Variants in RIF1 observed in about 807,000 individuals in gnomAD.
The protein encoded by RIF1 is replication timing regulatory factor 1.
RIF1 carries 45 observed loss-of-function variants against 247.1 expected under a neutral mutation model. That is an observed-to-expected ratio of 0.18 (90% CI 0.14 to 0.23). The LOEUF (loss-of-function observed/expected upper bound fraction) is 0.23. Among genes scored for constraint, RIF1 ranks in the 10% least tolerant of loss-of-function variants. RIF1 has a pLI of 1.00. For missense variants in RIF1, 2,967 were observed against 2,862.5 expected, an observed-to-expected ratio of 1.04 and a Z score of -0.83; for synonymous variants, 1,087 against 978.8, an observed-to-expected ratio of 1.11 and a Z score of -2.06.
At position 151,428,862 on chromosome 2, in the gene RIF1, A is replaced by G. The variant is rs753438017; in HGVS notation, c.865A>G (p.Ile289Val). ...TGGATTTCGTAGTGGAGCACCCATG[A>G]TTAAAAAGATAGCTTTTATTGCTTG... is the stretch of plus-strand genomic sequence containing the variant. Reference protein sequence around the residue: ...ELGFRSGAPMIKKIAFIAWKS... With the variant: ...ELGFRSGAPMVKKIAFIAWKS... The change falls in exon 9 of 36, where the codon ATT (isoleucine) becomes GTT (valine). Residue 289 changes from isoleucine to valine, a missense_variant. By Grantham distance (29) the Ile-to-Val change is conservative. Coordinates refer to ENST00000444746, the MANE Select transcript of RIF1 (RefSeq NM_018151.5). 3.2e-6 allele frequency: 5 copies of G among 1,545,032 alleles called. No homozygotes were observed. In the Admixed American group the frequency reaches 6.7e-5, roughly 21 times the overall value.
chr2:151,525,590 A>G, the RIF1 span, among the ~76,000 whole-genome samples: 8 of 152,334 alleles, frequency 5.3e-5, no homozygotes, highest in African/African-American at 1.9e-4. Context: ...ATTGATAAGG[A>G]TAGAGCAGGC....
Position 151,498,143 on chromosome 2 carries a change from T to TATAAG in RIF1, c.*514-1199_*514-1195dup, listed in dbSNP as rs1478969880. On this transcript the variant is annotated intron_variant and NMD_transcript_variant, in intron 10 of 13. Coordinates refer to the RIF1 transcript ENST00000454583. ...AATGGGAAAGTATATCCTTTTGTAATATAAGATGTATTAGAAGCAAAGAAG... is the reference window on the plus strand; with the variant it reads ...AATGGGAAAGTATATCCTTTTGTAATATAAGATAAGATGTATTAGAAGCAAAGAAG... The TATAAG allele has an allele frequency of 3.3e-6, 5 of 1,529,186 alleles. No homozygotes were observed. In the African/African-American group the frequency reaches 4.1e-5, roughly 13 times the overall value. The allele number at this position is 1,529,186 out of a possible 1,614,324, so 94.7% of individuals were successfully genotyped here.
At chr2:151,411,487 C>T (rs1686217320) in intron 3 of RIF1, 149 bp downstream of exon 3, 2 of 559,966 alleles carry the variant, frequency 3.6e-6, no homozygotes, top group Middle Eastern at 4.9e-4. Flanking sequence ...ACTGAAACCT[C>T]CGCCTCTCGG....
At chr2:151,437,486 T>C (rs1691450562) in intron 13 of RIF1, 135 bp downstream of exon 13, 1 of 646,090 alleles carries the variant, frequency 1.5e-6, no homozygotes, top group Non-Finnish European at 2.7e-6. Flanking sequence ...AGCTCAGGAG[T>C]TCGAGACCAG....
At chr2:151,486,211 A>C, downstream of RIF1, 1 of 321,462 alleles carries the variant, frequency 3.1e-6, no homozygotes, top group East Asian at 5.5e-5. Flanking sequence ...ACATTTCTCC[A>C]AAAAAGATAG....
At chr2:151,531,144 A>G in the RIF1 span, 1 of 1,236,072 alleles carries the variant, frequency 8.1e-7, no homozygotes, top group Non-Finnish European at 1.2e-6. Context: ...CATGCTTCTC[A>G]ATGTATAATA....
chr2:151,445,461 G>A lies in RIF1; in HGVS notation c.2094+16G>A. On this transcript the variant is annotated intron_variant, in intron 19 of 35. Transcript: ENST00000444746. ...ATTTCCAGTGGTAAGGCATTGTCAA[G>A]TATTGATTTCCGAGGGATTTGTATT... The A allele has an allele frequency of 1.7e-6, 2 of 1,201,720 alleles. No homozygotes were observed. Among genetic ancestry groups the A allele is most frequent in the Non-Finnish European group, 2.5e-6 (2 of 803,676 alleles). The allele number at this position is 1,201,720 out of a possible 1,614,324, so 74.4% of individuals were successfully genotyped here. A position where few individuals can be genotyped will look rare whatever the true frequency, so the allele number is the denominator to read the frequency against.
chr2:151,414,096 T>G (rs562089670), intron 3 of RIF1, among the ~76,000 whole-genome samples: 9 of 152,230 alleles, frequency 5.9e-5, no homozygotes, highest in Admixed American at 2.6e-4. Flanking sequence ...GTGGATCACC[T>G]GAGGTCAGGA....
Position 151,468,539 on chromosome 2 carries a change from AAAGAAGTGTTTAGT to A in RIF1, c.6822_6825+10del. ...CACGTAGCCCTAAATTTAAGAGCTC[AAAGAAGTGTTTAGT>A]AAGAAGTGCTTTAGTTTTCATGTCA... On this transcript the variant is annotated splice_donor_variant and coding_sequence_variant, in exon 32 of 36. Coordinates refer to ENST00000444746, the MANE Select transcript of RIF1 (RefSeq NM_018151.5). LOFTEE classifies it high-confidence loss of function. The A allele has an allele frequency of 6.2e-7, 1 of 1,613,170 alleles. No individual in the cohort carries two copies. Among genetic ancestry groups the A allele is most frequent in the East Asian group, 2.2e-5 (1 of 44,866 alleles).
intron 20 of RIF1, among the ~76,000 whole-genome samples, chr2:151,450,366 A>G (rs978246012): frequency 1.2e-4 from 18 of 152,176 alleles, no homozygotes; most frequent in African/African-American, 4.3e-4. Context: ...GACACTTGGG[A>G]TCAGGTATCT....
chr2:151,420,032 G>A (rs780365168), intron 6 of RIF1, among the ~76,000 whole-genome samples, 158 bp from the exon 7 acceptor site: 3 of 152,118 alleles, frequency 2.0e-5, no homozygotes, highest in South Asian at 2.1e-4. Flanking sequence ...GTGCAAATTC[G>A]TAAAAATAAG....
the RIF1 span, chr2:151,524,398 C>T: frequency 1.9e-6 from 3 of 1,613,844 alleles, no homozygotes; most frequent in Non-Finnish European, 2.5e-6. Flanking sequence ...CCTTGCGGTG[C>T]TTGGCTCTGT....
In RIF1 at chr2:151,419,010, G is replaced by A. The variant is rs1474150877; in HGVS notation, c.504-1180G>A. Among the ~76,000 whole-genome samples, 3 of 93,402 alleles carry A rather than the reference G, an allele frequency of 3.2e-5. No individual in the cohort carries two copies. The East Asian group carries it at 9.2e-4, about 29-fold the overall frequency. 61.3% of individuals were successfully genotyped at this position (93,402 alleles called of 152,430 possible). On this transcript the variant is annotated intron_variant, in intron 6 of 35. Coordinates refer to ENST00000444746, the MANE Select transcript of RIF1 (RefSeq NM_018151.5). ...TTTTTTTAACTTTCATAACTTTTTG[G>A]TTAGCAACATAACACATCAGCCTAG...
chr2:151,496,516 C>T (rs2060280790), intron 10 of RIF1: 3 of 1,442,476 alleles, frequency 2.1e-6, no homozygotes, highest in Non-Finnish European at 2.8e-6. Context: ...CCACCAGCTA[C>T]TTTAGTGGAA....
chr2:151,491,621 T>C, intron 9 of RIF1: 1 of 1,329,066 alleles, frequency 7.5e-7, no homozygotes, highest in East Asian at 2.5e-5. Context: ...CAAATGAAAG[T>C]CATTGACTCT....
At position 151,451,695 on chromosome 2, in the gene RIF1, C is replaced by T. The variant is rs1326281550; in HGVS notation, c.2334C>T (p.Pro778=). ...CACCATATAATATTAAATATCAGCC[C>T]AAAGTTAAATGTAAGTATGTATTTT... ...DFSPYNIKYQ[P]KVKSPQRPSD... The change falls in exon 21 of 36, where the codon CCC becomes CCT. Residue 778 remains proline, a synonymous_variant. Transcript: ENST00000444746. 1 of 1,402,982 alleles carries T rather than the reference C, an allele frequency of 7.1e-7. No individual in the cohort carries two copies. Among genetic ancestry groups the T allele is most frequent in the Non-Finnish European group, 1.0e-6 (1 of 990,020 alleles). The allele number at this position is 1,402,982 out of a possible 1,614,324, so 86.9% of individuals were successfully genotyped here.
At position 151,435,510 on chromosome 2, in the gene RIF1, C is replaced by T. The variant is rs773199294; in HGVS notation, c.1125C>T (p.Ala375=). 11 of 1,612,890 alleles carry T rather than the reference C, an allele frequency of 6.8e-6. No individual in the cohort carries two copies. Among genetic ancestry groups the T allele is most frequent in the African/African-American group, 1.3e-5 (1 of 74,872 alleles). ...GTACAATAAGCATTGATTCTAATGC[C>T]TCACCTCAGGGCAATTCGTGTCATG... The part of the protein sequence containing the change: ...IQSTISIDSN[A]SPQGNSCHVA... The change falls in exon 11 of 36, where the codon GCC becomes GCT. Residue 375 remains alanine, a synonymous_variant. Coordinates refer to ENST00000444746, the MANE Select transcript of RIF1 (RefSeq NM_018151.5).
At chr2:151,421,875 C>G (rs1688231728) in intron 7 of RIF1, among the ~76,000 whole-genome samples, 2 of 150,932 alleles carry the variant, frequency 1.3e-5, no homozygotes, top group Admixed American at 1.3e-4. Context: ...GCAATTGTTG[C>G]CCAGGCTGGA....
the RIF1 span, among the ~76,000 whole-genome samples, chr2:151,522,344 C>G: frequency 2.6e-5 from 4 of 152,096 alleles, no homozygotes; most frequent in Admixed American, 2.6e-4. Flanking sequence ...AAATACCAAT[C>G]TTCAGTATAT....
Sources: allele counts gnomAD v4.1 joint callset (sites outside exome capture counted in the v4.1 genomes callset), GRCh38; gene constraint gnomAD v4.1.1; transcripts MANE v1.5; gene names NCBI Gene and HGNC (gene_info 2026-07-23, HGNC 2026-07-21).